The following MFSD1 variants were observed in gnomAD, a reference collection of about 807,000 sequenced individuals.
MFSD1 encodes the protein lysosomal dipeptide transporter MFSD1.
A neutral mutation model predicts 67.1 loss-of-function variants in MFSD1; 59 were observed. That is an observed-to-expected ratio of 0.88 (90% CI 0.71 to 1.09). The LOEUF (loss-of-function observed/expected upper bound fraction) is 1.09. Among genes scored for constraint, MFSD1 ranks in the 50% least tolerant of loss-of-function variants. The pLI is 0.00. For missense variants in MFSD1, 552 were observed against 566.1 expected (o/e 0.97, Z 0.25); for synonymous variants, 213 against 200.3 (o/e 1.06, Z -0.54).
intron 6 of MFSD1, among the ~76,000 whole-genome samples, chr3:158,812,647 C>T (rs1268651512): frequency 6.6e-6 from 1 of 152,218 alleles, no homozygotes; most frequent in Non-Finnish European, 1.5e-5. Context: ...TAACTGGTGC[C>T]TTTGCTTTTG....
At chr3:158,820,129 G>A (rs1461369308) in intron 8 of MFSD1, 86 bp from the exon 9 acceptor site, 1 of 712,304 alleles carries the variant, frequency 1.4e-6, no homozygotes. Context: ...TTAATCACAA[G>A]ATTTTAAAAA....
chr3:158,817,191 G>C (rs1414682270), intron 7 of MFSD1, among the ~76,000 whole-genome samples: 1 of 152,128 alleles, frequency 6.6e-6, no homozygotes, highest in Admixed American at 6.5e-5. Context: ...ACTGGCACAA[G>C]ACAGGGATGC....
chr3:158,804,325 A>G lies in MFSD1; in HGVS notation c.170A>G (p.Tyr57Cys), dbSNP rs777576781. The stretch of plus-strand genomic sequence containing the variant: ...AGTATTTGCTCTTTTCTAGGCAGCT[A>G]TTTTTGCTATGATAATCCTGCTGCC... ...LLMCFLGFGSYFCYDNPAALQ... is the reference protein window; with the variant it reads ...LLMCFLGFGSCFCYDNPAALQ... The change falls in exon 2 of 16, where the codon TAT becomes TGT. Residue 57 changes from tyrosine (Y) to cysteine (C), a missense_variant. Physicochemically the swap from Tyr to Cys is radical, Grantham distance 194 (BLOSUM62 -2). Coordinates refer to ENST00000415822, the MANE Select transcript of MFSD1 (RefSeq NM_022736.4). 1.2e-5 allele frequency: 19 copies of G among 1,609,442 alleles called. No individual in the cohort carries two copies. The highest frequency in any genetic ancestry group is 1.5e-5 in the Non-Finnish European group (18 of 1,178,046).
chr3:158,805,217 T>C, intron 2 of MFSD1, 145 bp from the exon 3 acceptor site: 1 of 674,940 alleles, frequency 1.5e-6, no homozygotes, highest in East Asian at 2.8e-5. Flanking sequence ...AGGAAGTTAG[T>C]GAGACTTATA....
At chr3:158,807,287 G>T (rs1729777108) in intron 4 of MFSD1, 109 bp from the exon 5 acceptor site, 1 of 1,006,290 alleles carries the variant, frequency 9.9e-7, no homozygotes, top group African/African-American at 1.6e-5. Context: ...TTATTAAGGA[G>T]AAATATTAAA....
chr3:158,818,335 G>A (rs993365557), intron 7 of MFSD1, among the ~76,000 whole-genome samples: 26 of 151,958 alleles, frequency 1.7e-4, no homozygotes, highest in East Asian at 1.9e-4. Context: ...CACCTCATGC[G>A]TCTATCACTT....
intron 9 of MFSD1, among the ~76,000 whole-genome samples, chr3:158,821,000 T>C (rs1490514351): frequency 6.6e-6 from 1 of 152,216 alleles, no homozygotes; most frequent in Non-Finnish European, 1.5e-5. Flanking sequence ...TATTCCTTGG[T>C]TAGAAAGGCT....
chr3:158,823,959 T>C (rs1432914703), intron 12 of MFSD1, among the ~76,000 whole-genome samples, 165 bp from the exon 13 acceptor site: 1 of 152,210 alleles, frequency 6.6e-6, no homozygotes, highest in Non-Finnish European at 1.5e-5. Flanking sequence ...GAAATAGTTA[T>C]GGGATAAAAA....
At chr3:158,805,175 G>T (rs1729662492) in intron 2 of MFSD1, among the ~76,000 whole-genome samples, 187 bp from the exon 3 acceptor site, 1 of 152,058 alleles carries the variant, frequency 6.6e-6, no homozygotes, top group Admixed American at 6.6e-5. Context: ...CATTTTCCTG[G>T]GCCAGGGGCC....
chr3:158,813,764 CTTTT>C (rs3050667), intron 6 of MFSD1, among the ~76,000 whole-genome samples, 197 bp from the exon 7 acceptor site: 2 of 132,240 alleles, frequency 1.5e-5, no homozygotes, highest in Non-Finnish European at 3.2e-5. Context: ...AATAAATTGG[CTTTT>C]TTTTTTTTTT....
At chr3:158,804,687 G>A (rs886444586) in intron 2 of MFSD1, among the ~76,000 whole-genome samples, 1 of 152,164 alleles carries the variant, frequency 6.6e-6, no homozygotes, top group Non-Finnish European at 1.5e-5. Flanking sequence ...TTAGTCACCC[G>A]AATGACAAAT....
intron 7 of MFSD1, among the ~76,000 whole-genome samples, chr3:158,817,038 G>C (rs1730397061): frequency 6.6e-6 from 1 of 152,166 alleles, no homozygotes; most frequent in African/African-American, 2.4e-5. Context: ...GTACCATGCT[G>C]TTTTGGTTAC....
At chr3:158,815,943 G>C (rs1030415209) in intron 7 of MFSD1, among the ~76,000 whole-genome samples, 1 of 152,040 alleles carries the variant, frequency 6.6e-6, no homozygotes, top group Non-Finnish European at 1.5e-5. Flanking sequence ...TGAGAATGAT[G>C]ATTTCCAGTT....
At chr3:158,809,601 C>T (rs963190267) in intron 6 of MFSD1, among the ~76,000 whole-genome samples, 7 of 152,278 alleles carry the variant, frequency 4.6e-5, no homozygotes, top group East Asian at 1.9e-4. Flanking sequence ...TCTCCACATA[C>T]GGCTGTCCAG....
At position 158,814,234 on chromosome 3, in the gene MFSD1, G is replaced by A. The variant is rs182435249; in HGVS notation, c.652+167G>A. Among the ~76,000 whole-genome samples the A allele has an allele frequency of 5.9e-5, 9 of 152,266 alleles. No homozygotes were observed. The East Asian group carries it at 7.7e-4, about 13-fold the overall frequency. On this transcript the variant is annotated intron_variant, in intron 7 of 15. Coordinates refer to ENST00000415822, the MANE Select transcript of MFSD1 (RefSeq NM_022736.4). ...CAACTAGAAATAGGCTATCATTTAC[G>A]CTGTTTGTATATTAATTTCCACTTT...
At chr3:158,802,427 C>A in intron 1 of MFSD1, 112 bp downstream of exon 1, 2 of 1,225,898 alleles carry the variant, frequency 1.6e-6, no homozygotes, top group Non-Finnish European at 2.4e-6. Context: ...CAGCTTCTGT[C>A]TTAAGCTCCT....
rs754328905 is a variant in MFSD1, at chr3:158,807,411, G to C, written c.388G>C (p.Gly130Arg). ...VCIGQVVFAL[G>R]GIFNAFWLME... ...TACATTATAGGTTGTTTTTGCCCTG[G>C]GTGGAATATTTAATGCTTTTTGGCT... Residue 130 changes from glycine to arginine, a missense_variant, in exon 5 of 16, where the codon GGT becomes CGT. Coordinates refer to ENST00000415822, the MANE Select transcript of MFSD1 (RefSeq NM_022736.4). The C allele has an allele frequency of 6.2e-7, 1 of 1,612,812 alleles. No homozygotes were observed. Among genetic ancestry groups the C allele is most frequent in the East Asian group, 2.2e-5 (1 of 44,738 alleles).
chr3:158,805,344 T>G lies in MFSD1; in HGVS notation c.217-18T>G. 1 of 1,579,684 alleles carries G rather than the reference T, an allele frequency of 6.3e-7. No individual in the cohort carries two copies. The highest frequency in any genetic ancestry group is 8.7e-7 in the Non-Finnish European group (1 of 1,148,594). On this transcript the variant is annotated intron_variant, in intron 2 of 15. Coordinates refer to ENST00000415822, the MANE Select transcript of MFSD1 (RefSeq NM_022736.4). ...TTAACTGTTTGGAAAAAAATAGTTT[T>G]ATTTTCTTTTCATATAGGATATGCA... is the stretch of plus-strand genomic sequence containing the variant.
chr3:158,803,371 T>A (rs1197760071), intron 1 of MFSD1, among the ~76,000 whole-genome samples: 1 of 152,088 alleles, frequency 6.6e-6, no homozygotes, highest in Non-Finnish European at 1.5e-5. Flanking sequence ...CCTCCCCTGT[T>A]TTTTAAAAGA....
Sources: allele counts gnomAD v4.1 joint callset (sites outside exome capture counted in the v4.1 genomes callset), GRCh38; gene constraint gnomAD v4.1.1; transcripts MANE v1.5; gene names NCBI Gene and HGNC (gene_info 2026-07-23, HGNC 2026-07-21).